FGGY: variants seen among roughly 807,000 people sequenced by gnomAD.
The protein encoded by FGGY is FGGY carbohydrate kinase domain-containing protein.
A neutral mutation model predicts 71.3 loss-of-function variants in FGGY; 72 were observed. The observed-to-expected ratio is 1.01, with a 90% CI of 0.84 to 1.23. The LOEUF is 1.23. FGGY is among the 50% of genes most tolerant of loss of function. The pLI is 0.00. For synonymous variants in FGGY, 251 were observed against 250.3 expected (o/e 1.00, Z -0.02); for missense variants, 668 against 682.3 (o/e 0.98, Z 0.23).
intron 14 of FGGY, among the ~76,000 whole-genome samples, chr1:59,686,074 T>C (rs560946205): frequency 1.1e-3 from 174 of 152,320 alleles, no homozygotes; most frequent in African/African-American, 4.0e-3. Context: ...TATACCACCT[T>C]GCTGAGAGCC....
chr1:59,747,377 C>G (rs1324470954), intron 14 of FGGY, among the ~76,000 whole-genome samples: 1 of 152,162 alleles, frequency 6.6e-6, no homozygotes. Flanking sequence ...AGTATAAAAC[C>G]ACTCCCCTGT....
chr1:59,337,048 C>CATATAT (rs35698016), intron 2 of FGGY, among the ~76,000 whole-genome samples: 27 of 142,058 alleles, frequency 1.9e-4, no homozygotes, highest in African/African-American at 6.3e-4. Context: ...TGTATATAGT[C>CATATAT]ATATATATAT....
chr1:59,441,515 C>A (rs1028814824), intron 5 of FGGY, among the ~76,000 whole-genome samples: 1 of 152,122 alleles, frequency 6.6e-6, no homozygotes. Context: ...AGTGGGTTTT[C>A]ATTTGAACAT....
rs186814581 is a variant in FGGY, at chr1:59,331,152, G to A, written c.202-8806G>A. On this transcript the variant is annotated intron_variant, in intron 2 of 15. Coordinates refer to ENST00000303721, the MANE Select transcript of FGGY (RefSeq NM_018291.5). ...ACTGAGAGGCTTTAGGAAGGCAGGCGTAACTGGACTTGGCAACAATGGAGA... is the reference window on the plus strand; with the variant it reads ...ACTGAGAGGCTTTAGGAAGGCAGGCATAACTGGACTTGGCAACAATGGAGA... Among the ~76,000 whole-genome samples, 1,465 of 152,202 alleles carry A rather than the reference G, an allele frequency of 9.6e-3. 18 individuals are homozygous for A. Among genetic ancestry groups the A allele is most frequent in the Non-Finnish European group, 0.011 (759 of 68,006 alleles).
intron 5 of FGGY, among the ~76,000 whole-genome samples, chr1:59,429,247 T>C (rs919422644): frequency 7.0e-6 from 1 of 142,934 alleles, no homozygotes; most frequent in Non-Finnish European, 1.5e-5. Flanking sequence ...TCAATAATTC[T>C]GGTTTTTTTT....
At chr1:59,452,817 GC>G (rs2091320953) in intron 5 of FGGY, among the ~76,000 whole-genome samples, 1 of 152,170 alleles carries the variant, frequency 6.6e-6, no homozygotes, top group Non-Finnish European at 1.5e-5. Context: ...AATCTTAGAA[GC>G]AACTCAGACT....
chr1:59,619,195 G>A (rs1033887105), intron 9 of FGGY, among the ~76,000 whole-genome samples: 5 of 151,788 alleles, frequency 3.3e-5, no homozygotes, highest in African/African-American at 9.7e-5. Flanking sequence ...CAGTATTTAC[G>A]GAGTGCTTAC....
chr1:59,393,857 C>A (rs370576828), intron 5 of FGGY, among the ~76,000 whole-genome samples: 1 of 152,082 alleles, frequency 6.6e-6, no homozygotes, highest in Non-Finnish European at 1.5e-5. Context: ...GGCCCCCAAC[C>A]CCCTCCCAGG....
At chr1:59,543,670 G>T (rs1014374863) in intron 7 of FGGY, among the ~76,000 whole-genome samples, 13 of 152,144 alleles carry the variant, frequency 8.5e-5, no homozygotes, top group African/African-American at 3.1e-4. Flanking sequence ...AAGAGAGCTA[G>T]CCTGCTAATT....
rs75591281 is a variant in FGGY, at chr1:59,581,997, C to T, written c.904-25806C>T. 1.1e-4 allele frequency among the ~76,000 whole-genome samples: 17 copies of T among 149,972 alleles called. 1 individual carries two copies. The East Asian group carries it at 3.3e-3, about 29-fold the overall frequency. On this transcript the variant is annotated intron_variant, in intron 8 of 15. Coordinates refer to ENST00000303721, the MANE Select transcript of FGGY (RefSeq NM_018291.5). ...TAAACCCAAAAGGAGCTTTAAAGATCATTCAGCCTGTAATCCCAAGGTGGA... is the reference window on the plus strand; with the variant it reads ...TAAACCCAAAAGGAGCTTTAAAGATTATTCAGCCTGTAATCCCAAGGTGGA...
intron 8 of FGGY, among the ~76,000 whole-genome samples, chr1:59,588,733 C>A (rs371151557): frequency 4.6e-5 from 7 of 152,060 alleles, no homozygotes; most frequent in African/African-American, 7.2e-5. Context: ...ACAGACAAGC[C>A]AATGCTGAGA....
At chr1:59,364,487 T>G (rs767113446) in intron 4 of FGGY, among the ~76,000 whole-genome samples, 2 of 152,254 alleles carry the variant, frequency 1.3e-5, no homozygotes, top group Non-Finnish European at 2.9e-5. Flanking sequence ...CTGCAGACTT[T>G]AATTTGGCTT....
At chr1:59,347,032 G>C (rs368325453) in intron 4 of FGGY, among the ~76,000 whole-genome samples, 188 of 145,852 alleles carry the variant, frequency 1.3e-3, no homozygotes, top group African/African-American at 4.6e-3. Context: ...TAGCAAAGAA[G>C]CAATCTCAGA....
chr1:59,658,631 C>T (rs190539276), intron 11 of FGGY, among the ~76,000 whole-genome samples: 196 of 152,260 alleles, frequency 1.3e-3, no homozygotes, highest in African/African-American at 4.5e-3. Context: ...AGACAGTGAA[C>T]GCATTTCTAC....
chr1:59,346,337 A>C lies in FGGY; in HGVS notation c.404A>C (p.Gln135Pro). ...RINETKHSVL[Q>P]YVGGVMSVEM... ...AATGAGACCAAGCACAGTGTCCTCC[A>C]GTACGTCGGGGGGGTGATGTCTGTG... The change falls in exon 4 of 16, where the codon CAG (glutamine) becomes CCG (proline). Residue 135 changes from glutamine to proline, a missense_variant. Coordinates refer to ENST00000303721, the MANE Select transcript of FGGY (RefSeq NM_018291.5). 6.2e-7 allele frequency: 1 copy of C among 1,612,184 alleles called. No homozygotes were observed. Among genetic ancestry groups the C allele is most frequent in the Non-Finnish European group, 8.5e-7 (1 of 1,179,710 alleles).
intron 8 of FGGY, among the ~76,000 whole-genome samples, chr1:59,588,308 C>T (rs1413858493): frequency 6.6e-6 from 1 of 152,076 alleles, no homozygotes; most frequent in African/African-American, 2.4e-5. Flanking sequence ...AAGACCAAAT[C>T]TACGTCTGAT....
chr1:59,760,710 T>C (rs144603868), intron 15 of FGGY, among the ~76,000 whole-genome samples: 1 of 152,222 alleles, frequency 6.6e-6, no homozygotes, highest in Non-Finnish European at 1.5e-5. Context: ...AAATACTGCA[T>C]GATTCCACCT....
chr1:59,297,494 A>G (rs1237220628), intron 1 of FGGY, among the ~76,000 whole-genome samples: 1 of 151,320 alleles, frequency 6.6e-6, no homozygotes, highest in East Asian at 1.9e-4. Flanking sequence ...GCCTAGGGAT[A>G]TCTTTTCATT....
intron 5 of FGGY, among the ~76,000 whole-genome samples, chr1:59,420,728 C>T (rs1288266192): frequency 6.6e-6 from 1 of 151,892 alleles, no homozygotes; most frequent in South Asian, 2.1e-4. Context: ...ATTCTTCTAC[C>T]CTGAAATGAT....
Sources: gnomAD v4.1 joint callset for allele counts (sites outside exome capture counted in the v4.1 genomes callset) on GRCh38, gnomAD v4.1.1 for gene constraint, MANE v1.5 for transcripts, NCBI Gene and HGNC (gene_info 2026-07-23, HGNC 2026-07-21) for gene names.